Variants in MYT1L observed in about 807,000 individuals in gnomAD.
The protein encoded by MYT1L is myelin transcription factor 1-like protein.
In MYT1L, 12 loss-of-function variants were observed where a neutral mutation model predicts 126.7. That is an observed-to-expected ratio of 0.09 (90% CI 0.06 to 0.15). The LOEUF (loss-of-function observed/expected upper bound fraction) is 0.15, where lower values mean the gene tolerates loss of function less well. Among genes scored for constraint, MYT1L ranks in the 10% least tolerant of loss-of-function variants. The pLI is 1.00. For missense variants in MYT1L, 979 were observed against 1,585.2 expected (o/e 0.62, Z 6.49); for synonymous variants, 541 against 604.2 (o/e 0.90, Z 1.53).
rs55838351 is a variant in MYT1L at position 2,068,769 on chromosome 2, G to GTTTTTT, written c.-303-14652_-303-14647dup. Among the ~76,000 whole-genome samples, 144 of 26,184 alleles carry GTTTTTT rather than the reference G, an allele frequency of 5.5e-3. 10 individuals are homozygous for GTTTTTT. Among genetic ancestry groups the GTTTTTT allele is most frequent in the Admixed American group, 9.9e-3 (11 of 1,116 alleles). The allele number at this position is 26,184 out of a possible 152,430, so 17.2% of individuals were successfully genotyped here. On this transcript the variant is annotated intron_variant, in intron 3 of 24. Transcript: ENST00000647738. ...GGACACAGACACCTGTGTTCTTCTTGTTTTTTTTTTTTTTTTTTTTTTTTT... is the reference window on the plus strand; with the variant it reads ...GGACACAGACACCTGTGTTCTTCTTGTTTTTTTTTTTTTTTTTTTTTTTTTTTTTTT...
chr2:1,964,036 C>A (rs537769280), intron 8 of MYT1L, among the ~76,000 whole-genome samples: 1 of 152,230 alleles, frequency 6.6e-6, no homozygotes, highest in South Asian at 2.1e-4. Flanking sequence ...TAAGCATTTC[C>A]AGCTTTTGAT....
intron 3 of MYT1L, among the ~76,000 whole-genome samples, chr2:2,081,739 T>G (rs1289082567): frequency 6.6e-6 from 1 of 152,104 alleles, no homozygotes. Context: ...TTATATTTAT[T>G]TATTTATTTA....
At chr2:1,839,125 G>C in intron 21 of MYT1L, 24 bp downstream of exon 21, 1 of 1,581,572 alleles carries the variant, frequency 6.3e-7, no homozygotes, top group South Asian at 1.1e-5. Flanking sequence ...TCCCAGCCAG[G>C]GTCCCGCAGA....
chr2:1,966,457 G>A (rs1313754649), intron 8 of MYT1L, among the ~76,000 whole-genome samples: 1 of 152,154 alleles, frequency 6.6e-6, no homozygotes, highest in Non-Finnish European at 1.5e-5. Context: ...ATTGATGTGG[G>A]TGTAAACAGG....
At chr2:2,179,469 G>A (rs2091176206) in intron 2 of MYT1L, among the ~76,000 whole-genome samples, 1 of 152,154 alleles carries the variant, frequency 6.6e-6, no homozygotes, top group Non-Finnish European at 1.5e-5. Flanking sequence ...TGTTGTGGAT[G>A]CCTCTGACCA....
intron 3 of MYT1L, among the ~76,000 whole-genome samples, chr2:2,086,011 A>G (rs1467142560): frequency 6.6e-6 from 1 of 152,198 alleles, no homozygotes; most frequent in African/African-American, 2.4e-5. Flanking sequence ...AATTCTGTAA[A>G]CAATGGTTAT....
intron 3 of MYT1L, among the ~76,000 whole-genome samples, chr2:2,069,126 C>T (rs1027193099): frequency 1.3e-5 from 2 of 151,724 alleles, no homozygotes; most frequent in African/African-American, 2.4e-5. Context: ...AGAATGTACA[C>T]GTTTGTTACA....
chr2:1,827,313 G>A (rs1405823858), intron 21 of MYT1L: 1 of 152,266 alleles, frequency 6.6e-6, no homozygotes, highest in Admixed American at 6.5e-5. Flanking sequence ...TCCACCTCCT[G>A]CAGATCACAG....
intron 8 of MYT1L, among the ~76,000 whole-genome samples, chr2:1,968,979 A>T (rs1178855403): frequency 6.6e-6 from 1 of 152,224 alleles, no homozygotes; most frequent in Non-Finnish European, 1.5e-5. Context: ...CTGAGTCCAG[A>T]GAAGCTGCTG....
chr2:1,933,833 G>A (rs2055354059), intron 9 of MYT1L, among the ~76,000 whole-genome samples: 1 of 152,130 alleles, frequency 6.6e-6, no homozygotes, highest in Non-Finnish European at 1.5e-5. Flanking sequence ...TGGCGAGGAA[G>A]TGAATTTTTA....
intron 21 of MYT1L, chr2:1,825,907 C>G (rs1200195170): frequency 6.6e-6 from 1 of 152,274 alleles, no homozygotes; most frequent in East Asian, 1.9e-4. Context: ...ACAGTATAGT[C>G]ATTGCCCCCA....
At position 1,837,628 on chromosome 2, in the gene MYT1L, C is replaced by G. The variant is rs551839037; in HGVS notation, c.3080+1521G>C. On this transcript the variant is annotated intron_variant, in intron 21 of 24. Transcript: ENST00000647738. ...AACCTGGACAGGACACCAGGTGGCA[C>G]GTGCAGGAACAGGCTCAATGGGGAG... 3.6e-4 allele frequency among the ~76,000 whole-genome samples: 54 copies of G among 152,060 alleles called. No individual in the cohort carries two copies. The highest frequency in any genetic ancestry group is 6.8e-4 in the Non-Finnish European group (46 of 68,026).
intron 3 of MYT1L, among the ~76,000 whole-genome samples, chr2:2,061,267 G>A (rs2070446539): frequency 6.6e-6 from 1 of 152,176 alleles, no homozygotes; most frequent in Non-Finnish European, 1.5e-5. Context: ...CAGCCTGGCT[G>A]TGGGGGCCGC....
intron 9 of MYT1L, among the ~76,000 whole-genome samples, chr2:1,934,336 T>C (rs1033078505): frequency 1.5e-5 from 2 of 136,746 alleles, no homozygotes; most frequent in African/African-American, 5.5e-5. Context: ...TTTATAGATA[T>C]GTATTCATAT....
Position 1,943,216 on chromosome 2 carries a change from C to T in MYT1L, c.271G>A (p.Asp91Asn), listed in dbSNP as rs1299068406. The change falls in exon 9 of 25, where the codon GAC (aspartate) becomes AAC (asparagine). Residue 91 changes from aspartate to asparagine, a missense_variant. By Grantham distance (23) the Asp-to-Asn change is conservative. Transcript: ENST00000647738. The surrounding 1 kb of genome is among the most constrained non-coding windows in gnomAD (Gnocchi z 4.4). ...KADSSSVDEC[D>N]DSDGTEDMDE... ...ATGTCCTCAGTCCCATCACTGTCGT[C>T]ACACTCATCCACTGAGGAGCTGTCT... The T allele has an allele frequency of 2.6e-6, 4 of 1,552,300 alleles. No homozygotes were observed. The highest frequency in any genetic ancestry group is 3.5e-6 in the Non-Finnish European group (4 of 1,147,322).
At chr2:1,953,561 C>T (rs1449876059) in intron 8 of MYT1L, among the ~76,000 whole-genome samples, 1 of 152,234 alleles carries the variant, frequency 6.6e-6, no homozygotes, top group Non-Finnish European at 1.5e-5. Context: ...GTGTCAACCA[C>T]CTCGCGTTGC....
At chr2:2,312,884 G>A (rs907105416) in intron 1 of MYT1L, among the ~76,000 whole-genome samples, 1 of 152,064 alleles carries the variant, frequency 6.6e-6, no homozygotes, top group Non-Finnish European at 1.5e-5. Context: ...AGCAAGCAGA[G>A]AGGAAGAACA....
At chr2:2,327,809 T>C (rs558124059) in intron 1 of MYT1L, among the ~76,000 whole-genome samples, 1 of 152,266 alleles carries the variant, frequency 6.6e-6, no homozygotes, top group South Asian at 2.1e-4. Context: ...TCCCTCTAAT[T>C]CCACAGAGGA....
chr2:2,026,736 C>T (rs1027644716), intron 4 of MYT1L, among the ~76,000 whole-genome samples: 2 of 152,090 alleles, frequency 1.3e-5, no homozygotes, highest in South Asian at 2.1e-4. Context: ...GGGCGGGGCC[C>T]GCTCCTCAGA....
Sources: gnomAD v4.1 joint callset for allele counts (sites outside exome capture counted in the v4.1 genomes callset) on GRCh38, gnomAD v4.1.1 for gene constraint, Gnocchi (gnomAD v3.1) non-coding constraint, MANE v1.5 for transcripts, NCBI Gene and HGNC (gene_info 2026-07-23, HGNC 2026-07-21) for gene names.